The following LMLN variants were observed in gnomAD, a reference collection of about 807,000 sequenced individuals.
The protein encoded by LMLN is leishmanolysin like peptidase.
A neutral mutation model predicts 92.3 loss-of-function variants in LMLN; 70 were observed. That is an observed-to-expected ratio of 0.76 (90% CI 0.63 to 0.92). The LOEUF is 0.92. LMLN is among the 40% of genes least tolerant of loss of function. LMLN has a pLI of 0.00. For missense variants in LMLN, 691 were observed against 814.6 expected, an observed-to-expected ratio of 0.85 and a Z score of 1.85; for synonymous variants, 308 against 296.2, an observed-to-expected ratio of 1.04 and a Z score of -0.41.
chr3:197,995,257 C>A (rs1721985338), intron 9 of LMLN, among the ~76,000 whole-genome samples: 1 of 151,836 alleles, frequency 6.6e-6, no homozygotes, highest in Admixed American at 6.6e-5. Flanking sequence ...ATACAATATA[C>A]AATATATGTG....
rs200559968 is a variant in LMLN, at chr3:197,969,145, G to A, written c.220-5232G>A. Among the ~76,000 whole-genome samples the A allele has an allele frequency of 1.3e-4, 19 of 151,566 alleles. No individual in the cohort carries two copies. In the East Asian group the frequency reaches 2.1e-3, roughly 17 times the overall value. ...TGCCTAGTTTGAAGTGCAATAGCAC[G>A]ATCACTGCTCACTGCAGCCTTGAAC... On this transcript the variant is annotated intron_variant, in intron 1 of 15. Coordinates refer to ENST00000330198, the Ensembl canonical transcript of LMLN.
chr3:198,014,244 T>A (rs1371788820), intron 11 of LMLN, among the ~76,000 whole-genome samples: 1 of 147,620 alleles, frequency 6.8e-6, no homozygotes, highest in East Asian at 2.0e-4. Flanking sequence ...CTCTGTATCC[T>A]TCAGAGCCCC....
At chr3:198,022,634 T>C (rs1309224202) in intron 13 of LMLN, among the ~76,000 whole-genome samples, 1 of 152,214 alleles carries the variant, frequency 6.6e-6, no homozygotes, top group Non-Finnish European at 1.5e-5. Flanking sequence ...GGCAGGTGAA[T>C]TGCTTGAGCT....
chr3:198,035,219 C>CTGTATGTG (rs895988724), intron 14 of LMLN, among the ~76,000 whole-genome samples: 7 of 139,548 alleles, frequency 5.0e-5, no homozygotes, highest in Non-Finnish European at 9.2e-5. Flanking sequence ...AAAAAAAAAG[C>CTGTATGTG]TGTATGTGTG....
At chr3:197,960,273 G>A in exon 1 of LMLN, 3 of 1,613,578 alleles carry the variant, frequency 1.9e-6, no homozygotes, top group Non-Finnish European at 1.7e-6. Flanking sequence ...CGGAGGAGTG[G>A]GTTACTCGGG....
intron 11 of LMLN, among the ~76,000 whole-genome samples, chr3:198,018,682 G>A (rs1412501207): frequency 2.6e-5 from 4 of 152,238 alleles, no homozygotes; most frequent in African/African-American, 9.6e-5. Flanking sequence ...TGTGGAAGAA[G>A]AGGAAAATTG....
At chr3:197,963,271 A>G (rs1207566517) in intron 1 of LMLN, among the ~76,000 whole-genome samples, 1 of 150,624 alleles carries the variant, frequency 6.6e-6, no homozygotes, top group Non-Finnish European at 1.5e-5. Flanking sequence ...TGGCAGAATC[A>G]TAGCTCACAG....
At chr3:198,038,632 C>T in exon 16 of LMLN, 1 of 1,613,968 alleles carries the variant, frequency 6.2e-7, no homozygotes, top group Non-Finnish European at 8.5e-7. Flanking sequence ...TCTGTTTCCT[C>T]TGCTGGCTGG....
intron 15 of LMLN, among the ~76,000 whole-genome samples, chr3:198,037,084 G>C (rs1192107114): frequency 6.6e-6 from 1 of 152,128 alleles, no homozygotes; most frequent in South Asian, 2.1e-4. Context: ...TTGTGTTGGG[G>C]GTCCCCAGGA....
chr3:197,963,742 TTTG>T (rs999595562), intron 1 of LMLN, among the ~76,000 whole-genome samples: 3 of 152,228 alleles, frequency 2.0e-5, no homozygotes, highest in Admixed American at 2.0e-4. Context: ...AGGAACAATT[TTTG>T]TTGTTGTAGT....
Position 198,019,948 on chromosome 3 carries a change from C to T in LMLN, c.1365+563C>T, listed in dbSNP as rs973856526. On this transcript the variant is annotated intron_variant, in intron 12 of 15. Coordinates refer to ENST00000330198, the Ensembl canonical transcript of LMLN. This position sits in a 1 kb window ranked among gnomAD's most constrained non-coding sequence, Gnocchi z 5.5. The stretch of plus-strand genomic sequence containing the variant: ...AGATCTCAGCTCACTGCAGCCTCCC[C>T]TTACCAGATTCAAGCGATTCTTGTG... Among the ~76,000 whole-genome samples, 6 of 152,140 alleles carry T rather than the reference C, an allele frequency of 3.9e-5. No homozygotes were observed. The highest frequency in any genetic ancestry group is 1.9e-4 in the East Asian group (1 of 5,196).
At chr3:198,021,013 T>G (rs1369573297) in intron 12 of LMLN, among the ~76,000 whole-genome samples, 1 of 152,006 alleles carries the variant, frequency 6.6e-6, no homozygotes, top group Non-Finnish European at 1.5e-5. Context: ...ATGATCTCAT[T>G]TATTTTCTCA....
At chr3:198,021,422 G>A (rs1560153118) in intron 12 of LMLN, 24 bp from the exon 14 acceptor site, 1 of 1,608,470 alleles carries the variant, frequency 6.2e-7, no homozygotes, top group Non-Finnish European at 8.5e-7. Context: ...TTACTTTCTT[G>A]TCTTCCCAAT....
chr3:198,013,536 T>C (rs1722516270), intron 11 of LMLN, among the ~76,000 whole-genome samples: 1 of 123,156 alleles, frequency 8.1e-6, no homozygotes, highest in African/African-American at 3.9e-5. Context: ...GACTTCTCTG[T>C]ACCCTTCAAA....
chr3:198,002,585 A>C (rs560422501), intron 11 of LMLN, among the ~76,000 whole-genome samples: 2 of 152,318 alleles, frequency 1.3e-5, no homozygotes, highest in South Asian at 4.1e-4. Flanking sequence ...TAAAAATGCA[A>C]AAATTAGTCA....
chr3:198,005,696 G>T (rs560751154), intron 11 of LMLN, among the ~76,000 whole-genome samples: 2 of 149,796 alleles, frequency 1.3e-5, no homozygotes, highest in African/African-American at 4.9e-5. Flanking sequence ...GTGCAGTGGC[G>T]CAGTCTCAGC....
At chr3:197,970,522 C>T (rs971546890) in intron 1 of LMLN, among the ~76,000 whole-genome samples, 10 of 152,266 alleles carry the variant, frequency 6.6e-5, no homozygotes, top group African/African-American at 1.2e-4. Context: ...GTTGTGACAG[C>T]GTGCACAAAG....
intron 12 of LMLN, among the ~76,000 whole-genome samples, chr3:198,020,768 A>ATTGTTTTTTTTTTTTTTTTTTTT (rs1722756549): frequency 6.1e-5 from 2 of 32,860 alleles, no homozygotes; most frequent in African/African-American, 2.4e-4. Flanking sequence ...TAATTTTTGT[A>ATTGTTTTTTTTTTTTTTTTTTTT]TTTTTTTTTT....
chr3:197,992,784 T>TAA (rs1553820038), intron 9 of LMLN, among the ~76,000 whole-genome samples: 2 of 152,058 alleles, frequency 1.3e-5, no homozygotes, highest in Non-Finnish European at 2.9e-5. Context: ...ACTTTTTTTT[T>TAA]ACCAGGGCAG....
Sources: allele counts gnomAD v4.1 joint callset (sites outside exome capture counted in the v4.1 genomes callset), GRCh38; gene constraint gnomAD v4.1.1; non-coding constraint Gnocchi (gnomAD v3.1); transcripts MANE v1.5; gene names NCBI Gene and HGNC (gene_info 2026-07-23, HGNC 2026-07-21).